The following LLGL1 variants were observed in gnomAD, a reference collection of about 807,000 sequenced individuals.
The protein encoded by LLGL1 is LLGL scribble cell polarity complex component 1.
LLGL1 carries 58 observed loss-of-function variants against 110.6 expected under a neutral mutation model. The ratio of observed to expected loss-of-function variants is 0.52; its 90% CI spans 0.42 to 0.65. LLGL1 has a LOEUF of 0.65. LLGL1 is among the 30% of genes least tolerant of loss of function. LLGL1 has a pLI of 0.00. For missense variants in LLGL1, 1,229 were observed against 1,462.1 expected (o/e 0.84, Z 2.60); for synonymous variants, 674 against 607.2 (o/e 1.11, Z -1.62).
intron 17 of LLGL1, 109 bp from the exon 18 acceptor site, chr17:18,241,338 AGCAT>A (rs2142711889): frequency 7.2e-7 from 1 of 1,381,646 alleles, no homozygotes; most frequent in Non-Finnish European, 9.7e-7. Context: ...GAGGCCACGT[AGCAT>A]GCAGCTGGGC....
At chr17:18,231,332 C>T (rs1409286456) in intron 2 of LLGL1, among the ~76,000 whole-genome samples, 1 of 152,220 alleles carries the variant, frequency 6.6e-6, no homozygotes, top group East Asian at 1.9e-4. Context: ...CTGCTCCTGT[C>T]CCCTCTTTTG....
At chr17:18,231,863 T>G (rs1321160480) in intron 2 of LLGL1, among the ~76,000 whole-genome samples, 2 of 152,184 alleles carry the variant, frequency 1.3e-5, no homozygotes, top group African/African-American at 4.8e-5. Context: ...TTTCACCATC[T>G]TGGCCAGGCT....
rs1491471309 is a variant in LLGL1 at position 18,244,240 on chromosome 17, CCT to C, written c.*335_*336del. 1 of 137,820 alleles carries C rather than the reference CCT, an allele frequency of 7.3e-6. No individual in the cohort carries two copies. Among genetic ancestry groups the C allele is most frequent in the African/African-American group, 2.8e-5 (1 of 36,108 alleles). The allele number at this position is 137,820 out of a possible 1,614,324, so 8.5% of individuals were successfully genotyped here. On this transcript the variant is annotated 3_prime_UTR_variant, in exon 23 of 23. Transcript: ENST00000316843. ...CCCCCTCACTTTGCAGAGTATTTTTCCTTTTTTTTTTTTTTCTTAAAGACGGA... is the reference window on the plus strand; with the variant it reads ...CCCCCTCACTTTGCAGAGTATTTTTCTTTTTTTTTTTTTCTTAAAGACGGA...
In LLGL1 at chr17:18,242,684, C is replaced by T. The variant is rs1049484222; in HGVS notation, c.3116+56C>T. ...GCTGCCCTGTCCCCTAGGCCTCCGTCCCCAGGGCTGCCAGGGGCTCCCCCG... is the reference window on the plus strand; with the variant it reads ...GCTGCCCTGTCCCCTAGGCCTCCGTTCCCAGGGCTGCCAGGGGCTCCCCCG... On this transcript the variant is annotated intron_variant, in intron 21 of 22. Coordinates refer to ENST00000316843, the MANE Select transcript of LLGL1 (RefSeq NM_004140.4). 2.5e-6 allele frequency: 4 copies of T among 1,569,570 alleles called. No individual in the cohort carries two copies. In the Admixed American group the frequency reaches 7.6e-5, roughly 30 times the overall value.
intron 1 of LLGL1, among the ~76,000 whole-genome samples, chr17:18,227,061 C>T (rs2047459444): frequency 6.6e-6 from 1 of 152,160 alleles, no homozygotes; most frequent in Non-Finnish European, 1.5e-5. Context: ...CTGCTGTGGT[C>T]CTGGGCCAGT....
intron 1 of LLGL1, among the ~76,000 whole-genome samples, chr17:18,227,416 G>T (rs1411420010): frequency 2.6e-5 from 4 of 151,816 alleles, no homozygotes; most frequent in African/African-American, 7.3e-5. Context: ...TTGAAATGGG[G>T]TCTCACTCTC....
chr17:18,228,679 T>G (rs139749391), intron 1 of LLGL1, among the ~76,000 whole-genome samples: 14 of 152,128 alleles, frequency 9.2e-5, no homozygotes, highest in African/African-American at 3.1e-4. Flanking sequence ...CAGTGTCCCG[T>G]CTCTGGACCC....
At chr17:18,236,325 A>C (rs1189172607) in intron 11 of LLGL1, 2 of 443,434 alleles carry the variant, frequency 4.5e-6, no homozygotes, top group Non-Finnish European at 8.2e-6. Context: ...TGTTCTCTAC[A>C]TGTCCCCCTT....
intron 16 of LLGL1, among the ~76,000 whole-genome samples, chr17:18,239,363 C>T (rs1018062569): frequency 3.3e-5 from 5 of 152,110 alleles, no homozygotes; most frequent in African/African-American, 1.2e-4. Flanking sequence ...TTGATTGAGT[C>T]ACTGATTGAT....
chr17:18,236,410 T>A (rs2047694797), intron 11 of LLGL1, 197 bp from the exon 12 acceptor site: 1 of 579,612 alleles, frequency 1.7e-6, no homozygotes, highest in Non-Finnish European at 3.0e-6. Flanking sequence ...ATGGTGCATG[T>A]GGCCTGGCCT....
In LLGL1 at chr17:18,232,315, G is replaced by A. The variant is rs575565273; in HGVS notation, c.180-180G>A. 1.5e-4 allele frequency among the ~76,000 whole-genome samples: 23 copies of A among 152,376 alleles called. No individual in the cohort carries two copies. The South Asian group carries it at 4.6e-3, about 30-fold the overall frequency. On this transcript the variant is annotated intron_variant, in intron 2 of 22. Transcript: ENST00000316843. Reference sequence around the variant, plus strand: ...CCTGCACACTGATCTTGGGGATACTGTAGGGGTGCAGAGTGGGAGCTTTAG... The same window carrying A: ...CCTGCACACTGATCTTGGGGATACTATAGGGGTGCAGAGTGGGAGCTTTAG...
At chr17:18,236,233 C>T (rs533675288) in intron 11 of LLGL1, 2 of 208,290 alleles carry the variant, frequency 9.6e-6, no homozygotes, top group East Asian at 1.3e-4. Flanking sequence ...CCCCGGGATG[C>T]CCCATGCTCT....
Position 18,240,581 on chromosome 17 carries a change from C to T in LLGL1, c.2210C>T (p.Ala737Val), listed in dbSNP as rs749412345. 2 of 1,590,602 alleles carry T rather than the reference C, an allele frequency of 1.3e-6. No homozygotes were observed. Among genetic ancestry groups the T allele is most frequent in the South Asian group, 1.1e-5 (1 of 89,214 alleles). The change falls in exon 17 of 23, where the codon GCC becomes GTC. Residue 737 changes from alanine to valine, a missense_variant. Ala to Val is a moderately conservative substitution (Grantham distance 64). Coordinates refer to ENST00000316843, the MANE Select transcript of LLGL1 (RefSeq NM_004140.4). This position sits in a 1 kb window ranked among gnomAD's most constrained non-coding sequence, Gnocchi z 5.3. ...YFADTFLRDGAHHGPTMWAGT... is the reference protein window; with the variant it reads ...YFADTFLRDGVHHGPTMWAGT... ...CCTACGCGCTTGTTTTCTGCAGGGGCCCACCACGGGCCCACCATGTGGGCT... is the reference window on the plus strand; with the variant it reads ...CCTACGCGCTTGTTTTCTGCAGGGGTCCACCACGGGCCCACCATGTGGGCT...
rs759780198 is a variant in LLGL1, at chr17:18,236,764, G to A, written c.1506+4G>A. 1.3e-4 allele frequency: 215 copies of A among 1,612,618 alleles called. No individual in the cohort carries two copies. The highest frequency in any genetic ancestry group is 1.6e-4 in the Non-Finnish European group (191 of 1,179,918). Reference sequence around the variant, plus strand: ...CGACTGGCCACCCTTCCGCAAGGTGGGCCCCTCCCCTGGCCCTGATGAGCT... The same window carrying A: ...CGACTGGCCACCCTTCCGCAAGGTGAGCCCCTCCCCTGGCCCTGATGAGCT... On this transcript the variant is annotated splice_donor_region_variant and intron_variant, in intron 12 of 22. Transcript: ENST00000316843.
chr17:18,233,386 T>C (rs1302432872), intron 4 of LLGL1, among the ~76,000 whole-genome samples: 1 of 152,150 alleles, frequency 6.6e-6, no homozygotes, highest in African/African-American at 2.4e-5. Context: ...TCCCAGCTTC[T>C]GCAGATGGGG....
Position 18,234,538 on chromosome 17 carries a change from C to T in LLGL1, c.851-111C>T, listed in dbSNP as rs570007196. The T allele has an allele frequency of 6.9e-4, 1,086 of 1,574,334 alleles. 4 individuals are homozygous for T. Among genetic ancestry groups the T allele is most frequent in the Middle Eastern group, 2.7e-3 (16 of 5,984 alleles). ...GGCAGTGTGTCTCCCGCCGACTTCCCGGGGAGGCAGGAGGCAGCTGTAAGG... is the reference window on the plus strand; with the variant it reads ...GGCAGTGTGTCTCCCGCCGACTTCCTGGGGAGGCAGGAGGCAGCTGTAAGG... On this transcript the variant is annotated intron_variant, in intron 7 of 22. Coordinates refer to ENST00000316843, the MANE Select transcript of LLGL1 (RefSeq NM_004140.4).
chr17:18,242,236 A>C lies in LLGL1; in HGVS notation c.2953A>C (p.Ser985Arg), dbSNP rs763039590. 1.2e-6 allele frequency: 2 copies of C among 1,613,874 alleles called. No homozygotes were observed. The highest frequency in any genetic ancestry group is 2.7e-5 in the African/African-American group (2 of 74,872). The change falls in exon 20 of 23, where the codon AGC (serine) becomes CGC (arginine). Residue 985 changes from serine (S) to arginine (R), a missense_variant. By Grantham distance (110) the Ser-to-Arg change is moderately radical (BLOSUM62 -1). Coordinates refer to ENST00000316843, the MANE Select transcript of LLGL1 (RefSeq NM_004140.4). Reference sequence around the variant, plus strand: ...CCCAAGCATCCTGCTGGCCCCACAGAGCCTTGATGGAAGCCCTGATCCAGC... The same window carrying C: ...CCCAAGCATCCTGCTGGCCCCACAGCGCCTTGATGGAAGCCCTGATCCAGC... ...GTPSILLAPQ[S>R]LDGSPDPAHS...
chr17:18,242,924 C>G lies in LLGL1; in HGVS notation c.*1+102C>G, dbSNP rs575670257. On this transcript the variant is annotated intron_variant, in intron 22 of 22. Coordinates refer to ENST00000316843, the MANE Select transcript of LLGL1 (RefSeq NM_004140.4). ...CCTGGTCTTCTACCTGAGACCCTGG[C>G]AGGCCCATGTGATGGCACTCTCTGA... 3.5e-6 allele frequency: 4 copies of G among 1,136,762 alleles called. No individual in the cohort carries two copies. The African/African-American group carries it at 6.3e-5, about 18-fold the overall frequency. 70.4% of individuals were successfully genotyped at this position (1,136,762 alleles called of 1,614,324 possible).
chr17:18,241,879 A>G lies in LLGL1; in HGVS notation c.2768-6A>G. Reference sequence around the variant, plus strand: ...AACTGCACTCCTCATTCTTCTGCCCACCCAGGCTTTTACCTGATATCCCCA... The same window carrying G: ...AACTGCACTCCTCATTCTTCTGCCCGCCCAGGCTTTTACCTGATATCCCCA... On this transcript the variant is annotated splice_polypyrimidine_tract_variant and splice_region_variant and intron_variant, in intron 18 of 22. Coordinates refer to ENST00000316843, the MANE Select transcript of LLGL1 (RefSeq NM_004140.4). The G allele has an allele frequency of 6.2e-7, 1 of 1,612,178 alleles. No homozygotes were observed. The highest frequency in any genetic ancestry group is 8.5e-7 in the Non-Finnish European group (1 of 1,178,242).
Sources: allele counts gnomAD v4.1 joint callset (sites outside exome capture counted in the v4.1 genomes callset), GRCh38; gene constraint gnomAD v4.1.1; non-coding constraint Gnocchi (gnomAD v3.1); transcripts MANE v1.5; gene names NCBI Gene and HGNC (gene_info 2026-07-23, HGNC 2026-07-21).